Variants in TTC17 observed in about 807,000 individuals in gnomAD.
TTC17 encodes tetratricopeptide repeat protein 17.
In TTC17, 58 loss-of-function variants were observed where a neutral mutation model predicts 143.8. That is an observed-to-expected ratio of 0.40 (90% CI 0.33 to 0.50). The LOEUF is 0.50. Ranked by LOEUF, TTC17 falls within the 20% of genes least tolerant of loss-of-function variation. TTC17 has a pLI of 0.49. For synonymous variants in TTC17, 501 were observed against 497.8 expected (o/e 1.01, Z -0.09); for missense variants, 1,273 against 1,392.5 (o/e 0.91, Z 1.37).
chr11:43,413,931 T>C (rs967779164), intron 15 of TTC17, among the ~76,000 whole-genome samples: 7 of 152,206 alleles, frequency 4.6e-5, no homozygotes, highest in African/African-American at 7.2e-5. Context: ...TTACAACCTG[T>C]GCTAAGTATA....
chr11:43,405,078 C>T (rs1858050366), intron 11 of TTC17, among the ~76,000 whole-genome samples: 1 of 150,830 alleles, frequency 6.6e-6, no homozygotes, highest in Admixed American at 6.6e-5. Flanking sequence ...TCATCAGTGA[C>T]CCATTTCTTC....
intron 16 of TTC17, among the ~76,000 whole-genome samples, chr11:43,421,621 G>T (rs2134647780): frequency 6.6e-6 from 1 of 152,268 alleles, no homozygotes; most frequent in East Asian, 1.9e-4. Context: ...GCATGCACGG[G>T]ATCTAGGTTA....
chr11:43,488,594 A>T (rs1283401890), intron 21 of TTC17, among the ~76,000 whole-genome samples: 1 of 152,138 alleles, frequency 6.6e-6, no homozygotes, highest in Non-Finnish European at 1.5e-5. Context: ...AGTTGGAGCC[A>T]TATCTTTTAC....
At chr11:43,431,079 A>G (rs1947147353) in intron 16 of TTC17, among the ~76,000 whole-genome samples, 1 of 152,136 alleles carries the variant, frequency 6.6e-6, no homozygotes, top group African/African-American at 2.4e-5. Context: ...AGCTTCATCC[A>G]TGTCCCTGCA....
intron 16 of TTC17, among the ~76,000 whole-genome samples, chr11:43,421,511 A>G (rs963796117): frequency 1.3e-5 from 2 of 152,208 alleles, no homozygotes; most frequent in African/African-American, 4.8e-5. Flanking sequence ...CTGCGTTTAC[A>G]GTCAGTCCCC....
Position 43,472,359 on chromosome 11 carries a change from A to G in TTC17, c.3031-17880A>G, listed in dbSNP as rs189692855. ...CCCTGTTTCAGAAAAGAAAAAAGATATATCATGCAAATACAAGTAAAAAGG... is the reference window on the plus strand; with the variant it reads ...CCCTGTTTCAGAAAAGAAAAAAGATGTATCATGCAAATACAAGTAAAAAGG... On this transcript the variant is annotated intron_variant, in intron 21 of 23. Transcript: ENST00000039989. Among the ~76,000 whole-genome samples the G allele has an allele frequency of 3.3e-5, 5 of 152,340 alleles. No individual in the cohort carries two copies. In the East Asian group the frequency reaches 9.6e-4, roughly 29 times the overall value.
chr11:43,426,396 T>G (rs1947028371), intron 16 of TTC17, among the ~76,000 whole-genome samples: 1 of 152,236 alleles, frequency 6.6e-6, no homozygotes, highest in South Asian at 2.1e-4. Context: ...CATCATGTGC[T>G]TTTCACTTTC....
chr11:43,414,244 CAG>C (rs1191552655), intron 15 of TTC17, among the ~76,000 whole-genome samples: 2 of 152,136 alleles, frequency 1.3e-5, no homozygotes, highest in African/African-American at 4.8e-5. Flanking sequence ...ACTATGATGA[CAG>C]AAGTCACATC....
chr11:43,394,388 T>C (rs931950955), intron 5 of TTC17, among the ~76,000 whole-genome samples: 3 of 152,156 alleles, frequency 2.0e-5, no homozygotes, highest in African/African-American at 7.2e-5. Context: ...GAAGAAGTTA[T>C]TGAAGGGGCC....
intron 21 of TTC17, among the ~76,000 whole-genome samples, chr11:43,467,086 G>T (rs879185051): frequency 6.6e-6 from 1 of 152,144 alleles, no homozygotes; most frequent in Non-Finnish European, 1.5e-5. Context: ...AAAAAAAAAT[G>T]ATGCAGCCAC....
intron 21 of TTC17, among the ~76,000 whole-genome samples, chr11:43,455,159 G>C (rs1016780882): frequency 1.3e-5 from 2 of 151,692 alleles, no homozygotes; most frequent in Admixed American, 1.3e-4. Flanking sequence ...CATTTAAACA[G>C]CTGAGTCAAA....
rs3978779 is a variant in TTC17, at chr11:43,362,149, T to TTGTGTG, written c.159+3076_159+3081dup. Among the ~76,000 whole-genome samples the TTGTGTG allele has an allele frequency of 4.7e-3, 648 of 138,142 alleles. 1 individual carries two copies. The highest frequency in any genetic ancestry group is 7.3e-3 in the African/African-American group (264 of 35,922). 90.6% of individuals were successfully genotyped at this position (138,142 alleles called of 152,430 possible). A position where few individuals can be genotyped will look rare whatever the true frequency, so the allele number is the denominator to read the frequency against. ...GCATGCACTACCACACCCGGCTAATTTGTGTGTGTGTGTGTGTGTGTGTGT... is the reference window on the plus strand; with the variant it reads ...GCATGCACTACCACACCCGGCTAATTTGTGTGTGTGTGTGTGTGTGTGTGTGTGTGT... On this transcript the variant is annotated intron_variant, in intron 1 of 23. Transcript: ENST00000039989.
chr11:43,367,714 CTG>C (rs3083209), intron 1 of TTC17, among the ~76,000 whole-genome samples: 98,313 of 146,978 alleles, frequency 0.67, 32,686 homozygotes, highest in East Asian at 0.82. Flanking sequence ...AGGGGAATGT[CTG>C]TGTGTGTGTG....
At chr11:43,421,989 G>A (rs1946917103) in intron 16 of TTC17, among the ~76,000 whole-genome samples, 1 of 152,174 alleles carries the variant, frequency 6.6e-6, no homozygotes, top group Admixed American at 6.5e-5. Flanking sequence ...TGGTTGCTCT[G>A]TTGAGAATAG....
chr11:43,441,861 G>A lies in TTC17; in HGVS notation c.2252-1464G>A, dbSNP rs532872251. On this transcript the variant is annotated intron_variant, in intron 16 of 23. Coordinates refer to ENST00000039989, the MANE Select transcript of TTC17 (RefSeq NM_018259.6). The stretch of plus-strand genomic sequence containing the variant: ...TACCATATGGTAGGAGCACAAGGAA[G>A]CAATCACCTTGGGTTACTGGGTTTG... Among the ~76,000 whole-genome samples, 3 of 152,310 alleles carry A rather than the reference G, an allele frequency of 2.0e-5. No individual in the cohort carries two copies. The East Asian group carries it at 5.8e-4, about 29-fold the overall frequency.
intron 2 of TTC17, 96 bp from the exon 3 acceptor site, chr11:43,389,556 T>G (rs1857299025): frequency 5.5e-6 from 7 of 1,266,974 alleles, no homozygotes; most frequent in Non-Finnish European, 7.5e-6. Flanking sequence ...ACATAGAGGA[T>G]TCTGACTTCT....
At chr11:43,456,210 A>ACACACC (rs1460033414) in intron 21 of TTC17, among the ~76,000 whole-genome samples, 1 of 149,402 alleles carries the variant, frequency 6.7e-6, no homozygotes, top group Non-Finnish European at 1.5e-5. Flanking sequence ...ACACACACAC[A>ACACACC]CACCACTTAG....
At chr11:43,489,717 G>A (rs111351906) in intron 21 of TTC17, 13,836 of 145,742 alleles carry the variant, frequency 0.095, 791 homozygotes, top group Middle Eastern at 0.17. Flanking sequence ...CAGCCTGGGC[G>A]ACAGCGAGAC....
At chr11:43,387,859 A>G (rs1295794779) in intron 2 of TTC17, among the ~76,000 whole-genome samples, 2 of 152,230 alleles carry the variant, frequency 1.3e-5, no homozygotes, top group African/African-American at 4.8e-5. Flanking sequence ...GTCCATCACA[A>G]TAACATAGTC....
Sources: gnomAD v4.1 joint callset for allele counts (sites outside exome capture counted in the v4.1 genomes callset) on GRCh38, gnomAD v4.1.1 for gene constraint, MANE v1.5 for transcripts, NCBI Gene and HGNC (gene_info 2026-07-23, HGNC 2026-07-21) for gene names.